The following PTPRN2 variants were observed in gnomAD, a reference collection of about 807,000 sequenced individuals.
PTPRN2 encodes receptor-type tyrosine-protein phosphatase N2.
Under a neutral mutation model 118.8 loss-of-function variants are expected in PTPRN2, and 74 were observed. The observed-to-expected ratio is 0.62, with a 90% CI of 0.52 to 0.76. The LOEUF is 0.76. PTPRN2 is among the 30% of genes least tolerant of loss of function. PTPRN2 has a pLI of 0.00. For missense variants in PTPRN2, 1,481 were observed against 1,394.4 expected (o/e 1.06, Z -0.99); for synonymous variants, 641 against 608.0 (o/e 1.05, Z -0.80).
intron 11 of PTPRN2, among the ~76,000 whole-genome samples, chr7:157,917,355 T>C (rs900764722): frequency 5.9e-5 from 9 of 152,218 alleles, no homozygotes; most frequent in African/African-American, 1.9e-4. Context: ...AACTGAAAGG[T>C]CAATTTGTCA....
In PTPRN2 at chr7:158,149,597, G is replaced by T. The variant is rs368498572; in HGVS notation, c.911-11082C>A. ...GTGGGTGGATCACCTGAGGTCAGGA[G>T]TTCGAGACCAGCCTGGCCAACATGG... On this transcript the variant is annotated intron_variant, in intron 6 of 22. Coordinates refer to ENST00000389418, the MANE Select transcript of PTPRN2 (RefSeq NM_002847.5). Among the ~76,000 whole-genome samples, 114 of 152,284 alleles carry T rather than the reference G, an allele frequency of 7.5e-4. 2 individuals carry two copies. The South Asian group carries it at 0.022, about 29-fold the overall frequency.
At chr7:158,042,022 G>A (rs189806618) in intron 11 of PTPRN2, among the ~76,000 whole-genome samples, 17 of 152,278 alleles carry the variant, frequency 1.1e-4, no homozygotes, top group Admixed American at 9.2e-4. Flanking sequence ...AAAGACCAAT[G>A]TCAAAAGAAA....
intron 11 of PTPRN2, among the ~76,000 whole-genome samples, chr7:158,017,877 C>T (rs1276287436): frequency 6.6e-6 from 1 of 152,122 alleles, no homozygotes; most frequent in Non-Finnish European, 1.5e-5. Context: ...TCGGGGTCCC[C>T]TTCTTTTAAT....
At chr7:158,327,938 G>T (rs1248963843) in intron 2 of PTPRN2, among the ~76,000 whole-genome samples, 1 of 152,100 alleles carries the variant, frequency 6.6e-6, no homozygotes, top group East Asian at 1.9e-4. Context: ...GTCCCCAGGG[G>T]TGCAGCAACA....
chr7:157,756,666 C>T (rs934903277), intron 12 of PTPRN2, among the ~76,000 whole-genome samples: 2 of 152,088 alleles, frequency 1.3e-5, no homozygotes, highest in Non-Finnish European at 2.9e-5. Flanking sequence ...CAATACAGCA[C>T]GGAGCTTAGC....
chr7:158,428,401 C>T (rs534907070), intron 2 of PTPRN2, among the ~76,000 whole-genome samples: 10 of 152,070 alleles, frequency 6.6e-5, no homozygotes, highest in Non-Finnish European at 1.2e-4. Flanking sequence ...TCCTTTTAAA[C>T]GATGTGTGCC....
chr7:157,571,748 C>G lies in PTPRN2; in HGVS notation c.2784-255G>C, dbSNP rs141248590. The stretch of plus-strand genomic sequence containing the variant: ...TCTTCTTCCAAGGAGGGGTGCCAGG[C>G]TTTGAACCAGTGGACTCCCGGCCTG... On this transcript the variant is annotated intron_variant, in intron 19 of 22. Coordinates refer to ENST00000389418, the MANE Select transcript of PTPRN2 (RefSeq NM_002847.5). 7.2e-3 allele frequency among the ~76,000 whole-genome samples: 1,091 copies of G among 152,306 alleles called. 6 individuals are homozygous for G. Among genetic ancestry groups the G allele is most frequent in the Non-Finnish European group, 0.013 (863 of 68,030 alleles).
In PTPRN2 at chr7:157,974,122, C is replaced by T. The variant is rs767841757; in HGVS notation, c.1724-75385G>A. ...CTTGCACTGCTGGACGGTGGGTTGG[C>T]GGTGTTGACGCTGCACAGGTCATGA... is the stretch of plus-strand genomic sequence containing the variant. On this transcript the variant is annotated intron_variant, in intron 11 of 22. Transcript: ENST00000389418. This position sits in a 1 kb window ranked among gnomAD's most constrained non-coding sequence, Gnocchi z 4.0. Among the ~76,000 whole-genome samples the T allele has an allele frequency of 3.8e-4, 58 of 152,286 alleles. No homozygotes were observed. Among genetic ancestry groups the T allele is most frequent in the East Asian group, 2.1e-3 (11 of 5,174 alleles).
chr7:157,542,781 T>G (rs1798075551), intron 22 of PTPRN2, among the ~76,000 whole-genome samples: 1 of 152,168 alleles, frequency 6.6e-6, no homozygotes, highest in Non-Finnish European at 1.5e-5. Flanking sequence ...ACCGGGCGTG[T>G]GGGCTGGTGT....
At chr7:157,937,665 G>A (rs894328057) in intron 11 of PTPRN2, among the ~76,000 whole-genome samples, 2 of 152,250 alleles carry the variant, frequency 1.3e-5, no homozygotes, top group Admixed American at 6.5e-5. Context: ...ACCAGCTGCT[G>A]AGAGCGGGTG....
intron 11 of PTPRN2, among the ~76,000 whole-genome samples, chr7:157,969,909 G>A (rs762474846): frequency 6.6e-6 from 1 of 152,056 alleles, no homozygotes; most frequent in Non-Finnish European, 1.5e-5. Context: ...AAATAAGTGA[G>A]TAGCAAAAAC....
chr7:158,049,997 G>T (rs546234573), intron 11 of PTPRN2, among the ~76,000 whole-genome samples: 26 of 152,306 alleles, frequency 1.7e-4, no homozygotes, highest in African/African-American at 6.0e-4. Flanking sequence ...GTTGAAAGGG[G>T]CAGGGAATGA....
intron 8 of PTPRN2, 53 bp downstream of exon 8, chr7:158,136,600 AAG>A: frequency 6.4e-7 from 1 of 1,568,606 alleles, no homozygotes; most frequent in Non-Finnish European, 8.8e-7. Flanking sequence ...CATGAACAAA[AAG>A]ATCACCAACT....
chr7:157,820,358 T>G (rs1806746849), intron 12 of PTPRN2, among the ~76,000 whole-genome samples: 1 of 140,832 alleles, frequency 7.1e-6, no homozygotes, highest in Non-Finnish European at 1.5e-5. Flanking sequence ...CAAACATACA[T>G]GCACACAGCA....
At chr7:158,074,461 T>C (rs1812193820) in intron 11 of PTPRN2, among the ~76,000 whole-genome samples, 1 of 152,320 alleles carries the variant, frequency 6.6e-6, no homozygotes, top group East Asian at 1.9e-4. Flanking sequence ...CTCTCACTCA[T>C]GTTTTTCAGA....
chr7:157,882,814 ACC>A (rs1170668371), intron 12 of PTPRN2, among the ~76,000 whole-genome samples: 3 of 138,012 alleles, frequency 2.2e-5, no homozygotes, highest in South Asian at 2.5e-4. Flanking sequence ...AGAACACACC[ACC>A]CCCCAAAATG....
intron 2 of PTPRN2, among the ~76,000 whole-genome samples, chr7:158,317,717 C>G (rs961792540): frequency 6.6e-6 from 1 of 152,180 alleles, no homozygotes; most frequent in Non-Finnish European, 1.5e-5. Context: ...CAGCTTCGGG[C>G]GGGGCGGAAG....
chr7:158,543,509 T>G (rs1826117256), intron 1 of PTPRN2, among the ~76,000 whole-genome samples: 1 of 152,226 alleles, frequency 6.6e-6, no homozygotes, highest in Non-Finnish European at 1.5e-5. Flanking sequence ...GGCATGTAAT[T>G]CAAAAACAGC....
chr7:158,270,806 T>TCCACCTGGGCCGCCCCC (rs1197466438), intron 3 of PTPRN2, among the ~76,000 whole-genome samples: 1 of 6,414 alleles, frequency 1.6e-4, no homozygotes, highest in African/African-American at 6.1e-4. Flanking sequence ...GACCACCCCC[T>TCCACCTGGGCCGCCCCC]CACCTGGACC....
Sources: gnomAD v4.1 joint callset for allele counts (sites outside exome capture counted in the v4.1 genomes callset) on GRCh38, gnomAD v4.1.1 for gene constraint, Gnocchi (gnomAD v3.1) non-coding constraint, MANE v1.5 for transcripts, NCBI Gene and HGNC (gene_info 2026-07-23, HGNC 2026-07-21) for gene names.